ANKEF1: variants seen among roughly 807,000 people sequenced by gnomAD.
ANKEF1 encodes the protein ankyrin repeat and EF-hand domain containing 1.
ANKEF1 carries 43 observed loss-of-function variants against 65.1 expected under a neutral mutation model. The observed-to-expected ratio is 0.66, with a 90% CI of 0.52 to 0.85. The LOEUF (loss-of-function observed/expected upper bound fraction) is 0.85. Ranked by LOEUF, ANKEF1 falls within the 40% of genes least tolerant of loss-of-function variation. The pLI is 0.00. For synonymous variants in ANKEF1, 316 were observed against 341.5 expected, an observed-to-expected ratio of 0.93 and a Z score of 0.82; for missense variants, 934 against 952.9, an observed-to-expected ratio of 0.98 and a Z score of 0.26.
Position 10,041,957 on chromosome 20 carries a change from A to G in ANKEF1, c.347-1165A>G, listed in dbSNP as rs367749063. 5.3e-5 allele frequency among the ~76,000 whole-genome samples: 8 copies of G among 152,194 alleles called. No homozygotes were observed. In the East Asian group the frequency reaches 5.8e-4, roughly 11 times the overall value. On this transcript the variant is annotated intron_variant, in intron 3 of 10. Coordinates refer to ENST00000378392, the MANE Select transcript of ANKEF1 (RefSeq NM_022096.6). ...AAAAGTTTCCTGTTTTTTTTCCCCA[A>G]GTTATAGTGTAGAGATCCTTTGATT...
rs1280249115 is a variant in ANKEF1, at chr20:10,058,273, T to G, written c.*2613T>G. 6.6e-6 allele frequency: 1 copy of G among 152,224 alleles called. No homozygotes were observed. Among genetic ancestry groups the G allele is most frequent in the African/African-American group, 2.4e-5 (1 of 41,458 alleles). The allele number at this position is 152,224 out of a possible 1,614,324, so 9.4% of individuals were successfully genotyped here. A position where few individuals can be genotyped will look rare whatever the true frequency, so the allele number is the denominator to read the frequency against. On this transcript the variant is annotated 3_prime_UTR_variant, in exon 11 of 11. Coordinates refer to ENST00000378392, the MANE Select transcript of ANKEF1 (RefSeq NM_022096.6). ...TTGTCTTTTCTCAAGCTTACTTTAT[T>G]GCACAAATACAGTATTTATAACATA...
chr20:10,045,486 G>A, intron 5 of ANKEF1, 88 bp from the exon 6 acceptor site: 3 of 1,348,584 alleles, frequency 2.2e-6, no homozygotes, highest in Non-Finnish European at 3.2e-6. Context: ...AATTGATATT[G>A]TACTGGATAG....
rs1985085133 is a variant in ANKEF1 at position 10,055,367 on chromosome 20, A to T, written c.2173-135A>T. The T allele has an allele frequency of 7.9e-6, 6 of 763,440 alleles. 1 individual carries two copies. In the Admixed American group the frequency reaches 1.7e-4, roughly 22 times the overall value. The allele number at this position is 763,440 out of a possible 1,614,324, so 47.3% of individuals were successfully genotyped here. The stretch of plus-strand genomic sequence containing the variant: ...AGAAGTTAAAACACATCTAAAAGTA[A>T]ATTTAATAGTTTTAAGTTAAAACTA... On this transcript the variant is annotated intron_variant, in intron 10 of 10. Coordinates refer to ENST00000378392, the MANE Select transcript of ANKEF1 (RefSeq NM_022096.6).
chr20:10,038,339 T>C lies in ANKEF1; in HGVS notation c.38T>C (p.Ile13Thr). 6.3e-7 allele frequency: 1 copy of C among 1,591,994 alleles called. No homozygotes were observed. Among genetic ancestry groups the C allele is most frequent in the South Asian group, 1.1e-5 (1 of 87,406 alleles). ...LADKRLENLQ[I>T]YKVLQCVRNK... ...GATAAGAGACTTGAGAACTTACAGATCTACAAAGTTCTTCAATGTGTGCGG... is the reference window on the plus strand; with the variant it reads ...GATAAGAGACTTGAGAACTTACAGACCTACAAAGTTCTTCAATGTGTGCGG... Residue 13 changes from isoleucine to threonine, a missense_variant, in exon 3 of 11, where the codon ATC (isoleucine) becomes ACC (threonine). Physicochemically the swap from Ile to Thr is moderately conservative, Grantham distance 89. Transcript: ENST00000378392.
intron 2 of ANKEF1, among the ~76,000 whole-genome samples, chr20:10,035,881 C>T (rs960365764): frequency 6.6e-6 from 1 of 152,180 alleles, no homozygotes; most frequent in Non-Finnish European, 1.5e-5. Context: ...ATTCAGACCC[C>T]GAACATGGAC....
rs753645551 is a variant in ANKEF1, at chr20:10,056,240, A to G, written c.*580A>G. The G allele has an allele frequency of 6.5e-6, 1 of 153,270 alleles. No individual in the cohort carries two copies. Among genetic ancestry groups the G allele is most frequent in the Non-Finnish European group, 1.5e-5 (1 of 68,812 alleles). The allele number at this position is 153,270 out of a possible 1,614,324, so 9.5% of individuals were successfully genotyped here. On this transcript the variant is annotated 3_prime_UTR_variant, in exon 11 of 11. Transcript: ENST00000378392. Reference sequence around the variant, plus strand: ...TCACATGCCATTATAAACTATGTGTATTAGATACCTTGGGTTGAATACACT... The same window carrying G: ...TCACATGCCATTATAAACTATGTGTGTTAGATACCTTGGGTTGAATACACT...
At chr20:10,054,931 C>A (rs1261279173) in intron 10 of ANKEF1, among the ~76,000 whole-genome samples, 2 of 152,118 alleles carry the variant, frequency 1.3e-5, no homozygotes, top group African/African-American at 2.4e-5. Context: ...CAGACCCAAC[C>A]CTTCTTTGTA....
chr20:10,035,866 C>A (rs951117426), intron 2 of ANKEF1, among the ~76,000 whole-genome samples: 1 of 152,150 alleles, frequency 6.6e-6, no homozygotes, highest in Non-Finnish European at 1.5e-5. Flanking sequence ...ATGTAATTTC[C>A]GAGTATTCAG....
At chr20:10,049,328 G>A in intron 6 of ANKEF1, 62 bp from the exon 7 acceptor site, 1 of 1,434,220 alleles carries the variant, frequency 7.0e-7, no homozygotes, top group Non-Finnish European at 9.5e-7. Flanking sequence ...TTGGATGAGT[G>A]TCACTTATAG....
chr20:10,045,351 A>G (rs139476431), intron 5 of ANKEF1, among the ~76,000 whole-genome samples: 384 of 152,348 alleles, frequency 2.5e-3, no homozygotes, highest in Non-Finnish European at 4.2e-3. Flanking sequence ...TATACAACAC[A>G]GTACAACACA....
At chr20:10,041,382 T>C (rs1441129911) in intron 3 of ANKEF1, among the ~76,000 whole-genome samples, 1 of 152,064 alleles carries the variant, frequency 6.6e-6, no homozygotes, top group East Asian at 1.9e-4. Flanking sequence ...TTAAACAGTA[T>C]TCATTGATTC....
Position 10,038,342 on chromosome 20 carries a change from A to G in ANKEF1, c.41A>G (p.Tyr14Cys), listed in dbSNP as rs544508366. ...AAGAGACTTGAGAACTTACAGATCT[A>G]CAAAGTTCTTCAATGTGTGCGGAAC... ...ADKRLENLQI[Y>C]KVLQCVRNKD... is the part of the protein sequence containing the mutation. Residue 14 changes from tyrosine to cysteine, a missense_variant, in exon 3 of 11, where the codon TAC becomes TGC. Coordinates refer to ENST00000378392, the MANE Select transcript of ANKEF1 (RefSeq NM_022096.6). 4 of 1,596,796 alleles carry G rather than the reference A, an allele frequency of 2.5e-6. No individual in the cohort carries two copies. The highest frequency in any genetic ancestry group is 2.2e-5 in the East Asian group (1 of 44,542).
rs147439785 is a variant in ANKEF1, at chr20:10,043,282, A to G, written c.507A>G (p.Thr169=). ...ATGATGTTAAAGATGTGTGCCTGAC[A>G]TTTTTGGAAAAAGGAGCCAATCCTA... is the stretch of plus-strand genomic sequence containing the variant. ...DAHDVKDVCL[T]FLEKGANPNA... The change falls in exon 4 of 11, where the codon ACA becomes ACG. Residue 169 remains threonine (T), a synonymous_variant. Transcript: ENST00000378392. The G allele has an allele frequency of 5.6e-6, 9 of 1,614,010 alleles. No homozygotes were observed. The highest frequency in any genetic ancestry group is 5.3e-5 in the African/African-American group (4 of 74,934).
At position 10,051,896 on chromosome 20, in the gene ANKEF1, G is replaced by T; in HGVS notation, c.1870+7G>T. The T allele has an allele frequency of 6.3e-7, 1 of 1,586,342 alleles. No individual in the cohort carries two copies. The highest frequency in any genetic ancestry group is 1.7e-5 in the Admixed American group (1 of 59,230). ...CAGCTGGAAAATAGAAAAGGTATGC[G>T]TTCATATTATTGATGATTAGGGTTA... On this transcript the variant is annotated splice_region_variant and intron_variant, in intron 8 of 10. Coordinates refer to ENST00000378392, the MANE Select transcript of ANKEF1 (RefSeq NM_022096.6).
chr20:10,053,201 G>T lies in ANKEF1; in HGVS notation c.1960G>T (p.Ala654Ser). Residue 654 changes from alanine (A) to serine (S), a missense_variant, in exon 9 of 11, where the codon GCA (alanine) becomes TCA (serine). Transcript: ENST00000378392. ...KEKLDNLPKP[A>S]ENQKLKGKTP... Reference sequence around the variant, plus strand: ...AAAGCTAGATAACTTGCCGAAACCAGCAGAAAATCAAAAACTAAAAGGCAA... The same window carrying T: ...AAAGCTAGATAACTTGCCGAAACCATCAGAAAATCAAAAACTAAAAGGCAA... 1 of 1,613,628 alleles carries T rather than the reference G, an allele frequency of 6.2e-7. No homozygotes were observed. The highest frequency in any genetic ancestry group is 8.5e-7 in the Non-Finnish European group (1 of 1,179,774).
chr20:10,055,759 C>A lies in ANKEF1; in HGVS notation c.*99C>A. On this transcript the variant is annotated 3_prime_UTR_variant, in exon 11 of 11. Transcript: ENST00000378392. ...ATCAAAGCCAAAGCAATCCATACACCAAGAACTTGTTACCAAGAATTTCTT... is the reference window on the plus strand; with the variant it reads ...ATCAAAGCCAAAGCAATCCATACACAAAGAACTTGTTACCAAGAATTTCTT... 1 of 1,227,520 alleles carries A rather than the reference C, an allele frequency of 8.1e-7. No individual in the cohort carries two copies. The highest frequency in any genetic ancestry group is 1.2e-6 in the Non-Finnish European group (1 of 864,668). 76.0% of individuals were successfully genotyped at this position (1,227,520 alleles called of 1,614,324 possible).
In ANKEF1 at chr20:10,048,219, ATGTGTG is replaced by A. The variant is rs140100391; in HGVS notation, c.821-1155_821-1150del. ...TAAAATTATCAGCCTTAGTATAAAA[ATGTGTG>A]TGTGTGTGTGTGTGTTTGTGTAGTA... On this transcript the variant is annotated intron_variant, in intron 6 of 10. Coordinates refer to ENST00000378392, the MANE Select transcript of ANKEF1 (RefSeq NM_022096.6). Among the ~76,000 whole-genome samples the A allele has an allele frequency of 1.1e-3, 164 of 149,972 alleles. 1 individual carries two copies. The highest frequency in any genetic ancestry group is 2.0e-3 in the Non-Finnish European group (138 of 67,360).
At chr20:10,054,203 G>A (rs1985019269) in intron 9 of ANKEF1, among the ~76,000 whole-genome samples, 1 of 152,130 alleles carries the variant, frequency 6.6e-6, no homozygotes. Context: ...TGTCATTTTA[G>A]TAGGCCACAG....
At chr20:10,043,434 A>T (rs1984317692) in intron 4 of ANKEF1, 113 bp downstream of exon 4, 1 of 970,574 alleles carries the variant, frequency 1.0e-6, no homozygotes. Flanking sequence ...GTTCATTTTG[A>T]TTCAAAATGC....
Sources: allele counts gnomAD v4.1 joint callset (sites outside exome capture counted in the v4.1 genomes callset), GRCh38; gene constraint gnomAD v4.1.1; transcripts MANE v1.5; gene names NCBI Gene and HGNC (gene_info 2026-07-23, HGNC 2026-07-21).